Variants in RSRC1 observed in about 807,000 individuals in gnomAD.
RSRC1 encodes arginine and serine rich coiled-coil 1.
A neutral mutation model predicts 49.1 loss-of-function variants in RSRC1; 39 were observed. That is an observed-to-expected ratio of 0.79 (90% CI 0.61 to 1.04). The LOEUF (loss-of-function observed/expected upper bound fraction) is 1.04. RSRC1 is among the 50% of genes least tolerant of loss of function. The pLI, the probability that RSRC1 is intolerant of heterozygous loss-of-function variation, is 0.00. For synonymous variants in RSRC1, 143 were observed against 130.8 expected, an observed-to-expected ratio of 1.09 and a Z score of -0.63; for missense variants, 388 against 402.4, an observed-to-expected ratio of 0.96 and a Z score of 0.31.
At chr3:158,267,858 C>CTTTTTTTTTTTTTTTTTTTTTTTTTT (rs377128391) in intron 4 of RSRC1, among the ~76,000 whole-genome samples, 1 of 91,258 alleles carries the variant, frequency 1.1e-5, no homozygotes, top group Non-Finnish European at 2.2e-5. Context: ...GTTTCCATAT[C>CTTTTTTTTTTTTTTTTTTTTTTTTTT]TATTTTTTTT....
chr3:158,134,029 C>A (rs182706703), intron 3 of RSRC1, among the ~76,000 whole-genome samples: 66 of 152,148 alleles, frequency 4.3e-4, no homozygotes, highest in Admixed American at 3.7e-3. Flanking sequence ...AACCTTGATA[C>A]AAGCATGCAT....
intron 7 of RSRC1, among the ~76,000 whole-genome samples, chr3:158,491,794 C>T (rs548878684): frequency 2.0e-5 from 3 of 152,146 alleles, no homozygotes; most frequent in South Asian, 4.1e-4. Context: ...CTTTTGACAC[C>T]TCGTGCTATG....
intron 8 of RSRC1, among the ~76,000 whole-genome samples, chr3:158,538,912 A>T (rs976521814): frequency 5.3e-5 from 8 of 152,022 alleles, no homozygotes; most frequent in African/African-American, 9.7e-5. Context: ...GGGACAGTTT[A>T]TTACTTTAGA....
At chr3:158,112,927 A>G (rs1048251334) in intron 1 of RSRC1, among the ~76,000 whole-genome samples, 1 of 152,106 alleles carries the variant, frequency 6.6e-6, no homozygotes, top group Non-Finnish European at 1.5e-5. Context: ...TAGTTTGATG[A>G]GTATAATGGC....
chr3:158,432,902 AC>A (rs1469478496), intron 6 of RSRC1, among the ~76,000 whole-genome samples: 2 of 151,970 alleles, frequency 1.3e-5, no homozygotes, highest in African/African-American at 4.8e-5. Context: ...ATGTATATAT[AC>A]TATAGTTACT....
In RSRC1 at chr3:158,534,304, C is replaced by G. The variant is rs552952949; in HGVS notation, c.653-2788C>G. On this transcript the variant is annotated intron_variant, in intron 7 of 9. Transcript: ENST00000611884. ...TTGTTGAATGTATGAAACCAAATTT[C>G]CTTTAATACTCTTTATATTTATCTC... 2.6e-5 allele frequency among the ~76,000 whole-genome samples: 4 copies of G among 151,748 alleles called. No homozygotes were observed. In the East Asian group the frequency reaches 7.7e-4, roughly 29 times the overall value.
intron 6 of RSRC1, among the ~76,000 whole-genome samples, chr3:158,398,827 A>G (rs1180927541): frequency 6.6e-6 from 1 of 152,134 alleles, no homozygotes; most frequent in Non-Finnish European, 1.5e-5. Context: ...GTACTGGGAA[A>G]CATAGCAAGT....
chr3:158,533,728 T>G (rs1449486528), intron 7 of RSRC1, among the ~76,000 whole-genome samples: 2 of 151,686 alleles, frequency 1.3e-5, no homozygotes, highest in Admixed American at 6.6e-5. Flanking sequence ...GTGAAATAAT[T>G]CTAGTGAAAT....
At chr3:158,264,781 C>T (rs1002794080) in intron 4 of RSRC1, among the ~76,000 whole-genome samples, 2 of 152,144 alleles carry the variant, frequency 1.3e-5, no homozygotes, top group Admixed American at 6.5e-5. Context: ...TAACCATTCC[C>T]CACAACTGAG....
intron 4 of RSRC1, among the ~76,000 whole-genome samples, chr3:158,211,307 C>T (rs543316885): frequency 3.9e-5 from 6 of 152,052 alleles, no homozygotes; most frequent in Non-Finnish European, 5.9e-5. Context: ...GTTTTTAAAA[C>T]GGCAAAACCA....
At chr3:158,166,940 A>AT (rs1473364367) in intron 3 of RSRC1, among the ~76,000 whole-genome samples, 6 of 152,082 alleles carry the variant, frequency 3.9e-5, no homozygotes, top group Non-Finnish European at 8.8e-5. Context: ...TCTTAATAGA[A>AT]TTTTTTTTGT....
intron 6 of RSRC1, among the ~76,000 whole-genome samples, chr3:158,424,131 G>A (rs909060340): frequency 1.3e-5 from 2 of 152,158 alleles, no homozygotes; most frequent in Non-Finnish European, 2.9e-5. Flanking sequence ...TAGGAGTGGT[G>A]AGAGAGGGCA....
intron 4 of RSRC1, among the ~76,000 whole-genome samples, chr3:158,217,423 T>G (rs1456184909): frequency 6.6e-6 from 1 of 151,696 alleles, no homozygotes; most frequent in Non-Finnish European, 1.5e-5. Context: ...GTCTCTCAAG[T>G]CCTTTTTTGT....
chr3:158,452,125 T>A (rs1313466410), intron 6 of RSRC1, among the ~76,000 whole-genome samples: 1 of 152,154 alleles, frequency 6.6e-6, no homozygotes, highest in Non-Finnish European at 1.5e-5. Context: ...GATTACTGTT[T>A]GCTTCCAGGT....
chr3:158,244,561 A>G (rs1487777373), intron 4 of RSRC1, among the ~76,000 whole-genome samples: 1 of 152,156 alleles, frequency 6.6e-6, no homozygotes, highest in Non-Finnish European at 1.5e-5. Flanking sequence ...ATGTTCATCA[A>G]GGATATTGGC....
chr3:158,202,056 C>G (rs1721076697), intron 3 of RSRC1, among the ~76,000 whole-genome samples: 1 of 152,074 alleles, frequency 6.6e-6, no homozygotes, highest in Non-Finnish European at 1.5e-5. Context: ...TCTCTGTCAC[C>G]CAGGCTGGAG....
At chr3:158,511,104 G>GT (rs2108473294) in intron 7 of RSRC1, among the ~76,000 whole-genome samples, 1 of 135,822 alleles carries the variant, frequency 7.4e-6, no homozygotes, top group Admixed American at 7.4e-5. Context: ...CACCTCATTT[G>GT]TTGGTTTTTT....
At chr3:158,506,431 G>A (rs911868527) in intron 7 of RSRC1, among the ~76,000 whole-genome samples, 10 of 151,976 alleles carry the variant, frequency 6.6e-5, no homozygotes, top group Admixed American at 5.2e-4. Flanking sequence ...AATTTAAAAA[G>A]GAGGGAGGTG....
At chr3:158,118,462 T>TGTGCGTGC (rs1491469875) in intron 1 of RSRC1, among the ~76,000 whole-genome samples, 3 of 124,682 alleles carry the variant, frequency 2.4e-5, no homozygotes, top group East Asian at 2.6e-4. Flanking sequence ...TGTGTGTGTG[T>TGTGCGTGC]GCGCGTGCGC....
Sources: gnomAD v4.1 joint callset for allele counts (sites outside exome capture counted in the v4.1 genomes callset) on GRCh38, gnomAD v4.1.1 for gene constraint, MANE v1.5 for transcripts, NCBI Gene and HGNC (gene_info 2026-07-23, HGNC 2026-07-21) for gene names.